Variants in PRR16 observed in about 807,000 individuals in gnomAD.
The protein encoded by PRR16 is proline rich 16.
Under a neutral mutation model 18.2 loss-of-function variants are expected in PRR16, and 6 were observed. The ratio of observed to expected loss-of-function variants is 0.33; its 90% confidence interval spans 0.18 to 0.65. The LOEUF is 0.65. Ranked by LOEUF, PRR16 falls within the 30% of genes least tolerant of loss-of-function variation. PRR16 has a pLI of 0.74. For missense variants in PRR16, 412 were observed against 376.6 expected (o/e 1.09, Z -0.78); for synonymous variants, 151 against 147.8 (o/e 1.02, Z -0.16).
the PRR16 span, among the ~76,000 whole-genome samples, chr5:120,720,660 AAAAT>A: frequency 6.6e-6 from 1 of 152,072 alleles, no homozygotes; most frequent in Non-Finnish European, 1.5e-5. Context: ...TGAAATTTGG[AAAAT>A]AAATATGTTT....
intron 1 of PRR16, among the ~76,000 whole-genome samples, chr5:120,685,646 A>G (rs532786521): frequency 1.3e-5 from 2 of 152,160 alleles, no homozygotes; most frequent in Non-Finnish European, 2.9e-5. Context: ...ATTTTTAAAA[A>G]TCAGTTATAT....
intron 1 of PRR16, among the ~76,000 whole-genome samples, chr5:120,612,825 A>C (rs1343905213): frequency 6.6e-6 from 1 of 152,180 alleles, no homozygotes; most frequent in Non-Finnish European, 1.5e-5. Flanking sequence ...TATTTAGTGA[A>C]ATATGTATAT....
At chr5:120,694,419 TCACGCCTGTAATCCCAG>T in the PRR16 span, among the ~76,000 whole-genome samples, 1 of 152,114 alleles carries the variant, frequency 6.6e-6, no homozygotes, top group East Asian at 1.9e-4. Context: ...GCGCGGTGGC[TCACGCCTGTAATCCCAG>T]CACTTTGGGA....
chr5:120,470,443 T>C (rs1257387613), intron 1 of PRR16, among the ~76,000 whole-genome samples: 2 of 152,182 alleles, frequency 1.3e-5, no homozygotes, highest in Non-Finnish European at 2.9e-5. Context: ...TTTTAGTCTT[T>C]TTGTATGCAT....
intron 1 of PRR16, among the ~76,000 whole-genome samples, chr5:120,611,588 A>C (rs1415095274): frequency 1.3e-5 from 2 of 152,238 alleles, no homozygotes; most frequent in Non-Finnish European, 2.9e-5. Flanking sequence ...GGAAACCCCA[A>C]GCCTTGGCAG....
intron 1 of PRR16, among the ~76,000 whole-genome samples, chr5:120,559,324 G>A (rs1752507032): frequency 6.6e-6 from 1 of 151,794 alleles, no homozygotes; most frequent in African/African-American, 2.4e-5. Context: ...ATTTTTGTAT[G>A]TGATGAGAGG....
chr5:120,520,532 T>TGA (rs570672185), intron 1 of PRR16, among the ~76,000 whole-genome samples: 13 of 152,308 alleles, frequency 8.5e-5, no homozygotes, highest in Non-Finnish European at 1.8e-4. Flanking sequence ...GAACCCAGGG[T>TGA]GAGAGAAACT....
chr5:120,605,417 A>G (rs747730549), intron 1 of PRR16, among the ~76,000 whole-genome samples: 3 of 152,124 alleles, frequency 2.0e-5, no homozygotes, highest in Non-Finnish European at 2.9e-5. Flanking sequence ...TTGTCTTTCA[A>G]TGCTTGAATT....
chr5:120,793,189 C>A, the PRR16 span, among the ~76,000 whole-genome samples: 31 of 151,986 alleles, frequency 2.0e-4, no homozygotes, highest in Non-Finnish European at 4.4e-5. Context: ...ATAAAAGACA[C>A]AGTGACAATA....
intron 1 of PRR16, among the ~76,000 whole-genome samples, chr5:120,671,501 T>C (rs895999084): frequency 1.3e-5 from 2 of 152,122 alleles, no homozygotes; most frequent in Non-Finnish European, 1.5e-5. Context: ...ATGCCTGAGA[T>C]ATGAAGGAGA....
At chr5:120,634,733 T>C (rs551546245) in intron 1 of PRR16, among the ~76,000 whole-genome samples, 1 of 151,674 alleles carries the variant, frequency 6.6e-6, no homozygotes. Flanking sequence ...CAAACCCAAA[T>C]CCAGCAGAAG....
chr5:120,494,539 A>G (rs1750178821), intron 1 of PRR16, among the ~76,000 whole-genome samples: 2 of 152,030 alleles, frequency 1.3e-5, no homozygotes. Context: ...GGGTTTGATA[A>G]TATGTTCTCT....
chr5:120,645,959 A>G (rs1257241093), intron 1 of PRR16, among the ~76,000 whole-genome samples: 1 of 151,384 alleles, frequency 6.6e-6, no homozygotes, highest in African/African-American at 2.4e-5. Flanking sequence ...TATGAGGATC[A>G]TAATTGATTG....
intron 1 of PRR16, among the ~76,000 whole-genome samples, chr5:120,642,741 A>C (rs1045919574): frequency 1.3e-5 from 2 of 152,112 alleles, no homozygotes; most frequent in Admixed American, 1.3e-4. Flanking sequence ...TCACCTTCTG[A>C]AGCTCAGTGA....
At chr5:120,499,811 G>T (rs1469734852) in intron 1 of PRR16, among the ~76,000 whole-genome samples, 2 of 150,390 alleles carry the variant, frequency 1.3e-5, no homozygotes, top group African/African-American at 2.4e-5. Context: ...GGTTCTTGGT[G>T]TGATGAGTGA....
Position 120,670,752 on chromosome 5 carries a change from C to T in PRR16, c.160-15202C>T, listed in dbSNP as rs145282053. Among the ~76,000 whole-genome samples, 23 of 152,280 alleles carry T rather than the reference C, an allele frequency of 1.5e-4. No individual in the cohort carries two copies. The South Asian group carries it at 4.8e-3, about 32-fold the overall frequency. On this transcript the variant is annotated intron_variant, in intron 1 of 1. Coordinates refer to ENST00000407149, the MANE Select transcript of PRR16 (RefSeq NM_001300783.2). ...ACACTCCCTTCATGGTTGAACCAAA[C>T]TTGGTATTCTCAAGTTGTGGAGGAT...
chr5:120,775,834 G>C, the PRR16 span, among the ~76,000 whole-genome samples: 1 of 138,930 alleles, frequency 7.2e-6, no homozygotes, highest in South Asian at 2.3e-4. Flanking sequence ...TTTTAGTAGA[G>C]ATGGGGTTTC....
chr5:120,467,349 T>TA (rs950949284), intron 1 of PRR16, among the ~76,000 whole-genome samples: 12 of 152,232 alleles, frequency 7.9e-5, no homozygotes, highest in East Asian at 1.9e-4. Context: ...AAATTAAAAA[T>TA]AAAAAAGTAG....
At chr5:120,756,335 T>C in the PRR16 span, among the ~76,000 whole-genome samples, 104 of 152,190 alleles carry the variant, frequency 6.8e-4, no homozygotes, top group African/African-American at 2.3e-3. Flanking sequence ...AGGAAGTTGG[T>C]GTGAATTGGC....
Sources: gnomAD v4.1 joint callset for allele counts (sites outside exome capture counted in the v4.1 genomes callset) on GRCh38, gnomAD v4.1.1 for gene constraint, MANE v1.5 for transcripts, NCBI Gene and HGNC (gene_info 2026-07-23, HGNC 2026-07-21) for gene names.